NLGN1: variants seen among roughly 807,000 people sequenced by gnomAD.
NLGN1 encodes the protein neuroligin 1, also known as neuroligin-1.
A neutral mutation model predicts 65.5 loss-of-function variants in NLGN1; 12 were observed. The ratio of observed to expected loss-of-function variants is 0.18; its 90% confidence interval spans 0.12 to 0.30. The LOEUF (loss-of-function observed/expected upper bound fraction) is 0.30. NLGN1 is among the 10% of genes least tolerant of loss of function. The pLI is 1.00. For synonymous variants in NLGN1, 350 were observed against 359.5 expected, an observed-to-expected ratio of 0.97 and a Z score of 0.30; for missense variants, 750 against 1,007.1, an observed-to-expected ratio of 0.74 and a Z score of 3.46.
chr3:173,845,004 T>C (rs1384564499), intron 4 of NLGN1, among the ~76,000 whole-genome samples: 1 of 152,204 alleles, frequency 6.6e-6, no homozygotes, highest in Non-Finnish European at 1.5e-5. Flanking sequence ...ACAGTATCTC[T>C]AGGGAGGAAA....
chr3:174,171,466 G>A (rs1728513570), intron 4 of NLGN1, among the ~76,000 whole-genome samples: 4 of 152,192 alleles, frequency 2.6e-5, no homozygotes, highest in African/African-American at 9.6e-5. Context: ...CACACTTTAT[G>A]ATATTGGCAA....
chr3:174,241,110 TA>T lies in NLGN1; in HGVS notation c.647-34204del, dbSNP rs1373512274. The stretch of plus-strand genomic sequence containing the variant: ...AAAACTTAGTTTCAAGAGTTTAAAA[TA>T]GCTTTGAACCCTACATTTTTATTTA... On this transcript the variant is annotated intron_variant, in intron 4 of 6. Transcript: ENST00000457714. Among the ~76,000 whole-genome samples, 5 of 152,152 alleles carry T rather than the reference TA, an allele frequency of 3.3e-5. No homozygotes were observed. In the East Asian group the frequency reaches 5.8e-4, roughly 18 times the overall value.
chr3:173,404,389 A>G (rs1473501306), intron 1 of NLGN1, among the ~76,000 whole-genome samples: 5 of 152,126 alleles, frequency 3.3e-5, no homozygotes, highest in African/African-American at 7.2e-5. Context: ...TCCATTGACA[A>G]TGCTCTATTT....
chr3:173,970,447 C>A (rs776722825), intron 4 of NLGN1, among the ~76,000 whole-genome samples: 7 of 151,904 alleles, frequency 4.6e-5, no homozygotes, highest in Non-Finnish European at 7.4e-5. Context: ...GCCGGAAGTT[C>A]AGTGTGGCTG....
chr3:173,735,724 G>A (rs962278121), intron 3 of NLGN1, among the ~76,000 whole-genome samples: 3 of 151,990 alleles, frequency 2.0e-5, no homozygotes, highest in African/African-American at 7.2e-5. Flanking sequence ...ATAATTTTCT[G>A]CCTAGGGTCT....
chr3:173,891,527 G>C (rs963529275), intron 4 of NLGN1, among the ~76,000 whole-genome samples: 1 of 151,954 alleles, frequency 6.6e-6, no homozygotes, highest in Non-Finnish European at 1.5e-5. Context: ...TTTTTGCCTA[G>C]TTTGGCCTTT....
At chr3:173,951,290 C>T (rs1748155351) in intron 4 of NLGN1, among the ~76,000 whole-genome samples, 1 of 152,056 alleles carries the variant, frequency 6.6e-6, no homozygotes, top group Non-Finnish European at 1.5e-5. Context: ...TCAAATTTGT[C>T]TAATCCATGC....
intron 4 of NLGN1, among the ~76,000 whole-genome samples, chr3:173,838,891 T>C (rs975502885): frequency 9.9e-5 from 15 of 152,230 alleles, no homozygotes; most frequent in African/African-American, 3.6e-4. Flanking sequence ...TGACTGATGC[T>C]TCACATGAAA....
At chr3:173,839,055 A>G (rs7619986) in intron 4 of NLGN1, among the ~76,000 whole-genome samples, 126,261 of 150,160 alleles carry the variant, frequency 0.84, 53,845 homozygotes, top group African/African-American at 0.9. Context: ...GTTGACCCTC[A>G]CAGTATTCTT....
At chr3:173,705,139 A>G (rs568769953) in intron 3 of NLGN1, among the ~76,000 whole-genome samples, 5 of 151,960 alleles carry the variant, frequency 3.3e-5, no homozygotes, top group Admixed American at 1.3e-4. Flanking sequence ...TTTTCAACTG[A>G]TCTCCTTTGG....
At chr3:174,170,737 A>G (rs1391776794) in intron 4 of NLGN1, among the ~76,000 whole-genome samples, 1 of 152,224 alleles carries the variant, frequency 6.6e-6, no homozygotes, top group Non-Finnish European at 1.5e-5. Flanking sequence ...ATAATATTCC[A>G]TAAAATAATG....
chr3:173,610,582 A>C (rs1752126870), intron 3 of NLGN1, among the ~76,000 whole-genome samples: 1 of 152,054 alleles, frequency 6.6e-6, no homozygotes, highest in Admixed American at 6.6e-5. Flanking sequence ...GAACATTCCA[A>C]CATTATGAGG....
chr3:173,665,662 A>G (rs1761594801), intron 3 of NLGN1, among the ~76,000 whole-genome samples: 1 of 152,164 alleles, frequency 6.6e-6, no homozygotes, highest in African/African-American at 2.4e-5. Context: ...TTGGGTATGT[A>G]TTCAGAAATA....
intron 4 of NLGN1, among the ~76,000 whole-genome samples, chr3:174,208,230 G>A (rs1432307310): frequency 6.6e-6 from 1 of 152,210 alleles, no homozygotes; most frequent in African/African-American, 2.4e-5. Flanking sequence ...AGAATCATCT[G>A]TGGGAGGTAG....
At chr3:173,932,561 G>A (rs1377642703) in intron 4 of NLGN1, among the ~76,000 whole-genome samples, 1 of 151,442 alleles carries the variant, frequency 6.6e-6, no homozygotes, top group Admixed American at 6.6e-5. Flanking sequence ...CTGGAGAATA[G>A]AAAGAAAGAA....
At chr3:174,184,326 T>G (rs908062451) in intron 4 of NLGN1, among the ~76,000 whole-genome samples, 2 of 148,010 alleles carry the variant, frequency 1.4e-5, no homozygotes, top group Non-Finnish European at 3.0e-5. Flanking sequence ...CAGCCAAATA[T>G]TAATGTAAAT....
At chr3:174,275,517 T>G (rs933384760) in exon 5 of NLGN1, 1 of 1,611,568 alleles carries the variant, frequency 6.2e-7, no homozygotes, top group African/African-American at 1.3e-5. Flanking sequence ...GTTGGAGCAA[T>G]TCAACCAAAG....
At chr3:173,715,252 GT>G (rs1769651462) in intron 3 of NLGN1, among the ~76,000 whole-genome samples, 1 of 152,090 alleles carries the variant, frequency 6.6e-6, no homozygotes, top group Non-Finnish European at 1.5e-5. Flanking sequence ...ACTGTGCCTT[GT>G]TTTTGTCCAG....
At chr3:173,414,411 C>T (rs551335314) in intron 1 of NLGN1, among the ~76,000 whole-genome samples, 2 of 152,186 alleles carry the variant, frequency 1.3e-5, no homozygotes, top group African/African-American at 2.4e-5. Context: ...ATCCTCAGGA[C>T]GCTAGGAAAC....
Sources: gnomAD v4.1 joint callset for allele counts (sites outside exome capture counted in the v4.1 genomes callset) on GRCh38, gnomAD v4.1.1 for gene constraint, MANE v1.5 for transcripts, NCBI Gene and HGNC (gene_info 2026-07-23, HGNC 2026-07-21) for gene names.